Variants in RANBP2 observed in about 807,000 individuals in gnomAD.
RANBP2 encodes the protein E3 SUMO-protein ligase RanBP2.
A neutral mutation model predicts 303.6 loss-of-function variants in RANBP2; 57 were observed. That is an observed-to-expected ratio of 0.19 (90% CI 0.15 to 0.23). The LOEUF (loss-of-function observed/expected upper bound fraction) is 0.23. Ranked by LOEUF, RANBP2 falls within the 10% of genes least tolerant of loss-of-function variation. The probability of loss-of-function intolerance (pLI) is 1.00; values close to 1 mark genes in which losing one functional copy is unlikely to be tolerated. For synonymous variants in RANBP2, 1,167 were observed against 1,301.5 expected (o/e 0.90, Z 2.23); for missense variants, 3,138 against 3,780.8 (o/e 0.83, Z 4.46).
chr2:109,010,938 C>T, the RANBP2 span, among the ~76,000 whole-genome samples: 1 of 152,136 alleles, frequency 6.6e-6, no homozygotes, highest in African/African-American at 2.4e-5. Flanking sequence ...GCTGCAACCA[C>T]TCCTGGTTCC....
the RANBP2 span, among the ~76,000 whole-genome samples, chr2:109,641,338 G>A: frequency 5.3e-5 from 8 of 152,094 alleles, no homozygotes; most frequent in African/African-American, 1.9e-4. Flanking sequence ...ACTAAAAGAT[G>A]GAAACAACCC....
rs1675618853 is a variant in RANBP2, at chr2:108,748,976, G to C, written c.1120G>C (p.Glu374Gln). 1 of 1,611,774 alleles carries C rather than the reference G, an allele frequency of 6.2e-7. No homozygotes were observed. The highest frequency in any genetic ancestry group is 1.1e-5 in the South Asian group (1 of 90,992). ...GCAAGATTTTTTAAAAGAGATTGTT[G>C]AAACTTTTGCCAACAAAAGCGGGCA... ...GKQDFLKEIV[E>Q]TFANKSGQSA... Residue 374 changes from glutamate to glutamine, a missense_variant, in exon 9 of 29, where the codon GAA becomes CAA. Glu to Gln is a conservative substitution (Grantham distance 29). Around this residue, in one of 20 missense-constraint regions of RANBP2, gnomAD observed 95 missense variants for 86.4 expected, o/e 1.10. Coordinates refer to ENST00000283195, the MANE Select transcript of RANBP2 (RefSeq NM_006267.5).
the RANBP2 span, among the ~76,000 whole-genome samples, chr2:109,635,161 A>G: frequency 6.6e-6 from 1 of 150,722 alleles, no homozygotes; most frequent in Non-Finnish European, 1.5e-5. Flanking sequence ...GCCTCTTGGC[A>G]TGTATTATTT....
chr2:109,108,392 C>A, the RANBP2 span, among the ~76,000 whole-genome samples: 1 of 152,180 alleles, frequency 6.6e-6, no homozygotes, highest in Non-Finnish European at 1.5e-5. Flanking sequence ...TAGGTGAACA[C>A]ATAGTTCATC....
chr2:109,444,654 C>G, the RANBP2 span, among the ~76,000 whole-genome samples: 3,755 of 152,250 alleles, frequency 0.025, 78 homozygotes, highest in Non-Finnish European at 0.038. Flanking sequence ...CTCTGCAGGA[C>G]CAGAACTCCA....
chr2:109,613,318 G>A, the RANBP2 span: 65,113 of 441,164 alleles, frequency 0.15, 5,479 homozygotes, highest in African/African-American at 0.27. Context: ...TCCCAATGGA[G>A]GAAAACTTGG....
At chr2:108,745,578 T>A (rs2693117) in intron 7 of RANBP2, among the ~76,000 whole-genome samples, 1 of 145,414 alleles carries the variant, frequency 6.9e-6, no homozygotes, top group Non-Finnish European at 1.5e-5. Flanking sequence ...GTCTTCCCTT[T>A]GCCATTCTAT....
At chr2:109,694,925 T>C in the RANBP2 span, among the ~76,000 whole-genome samples, 40,371 of 151,628 alleles carry the variant, frequency 0.27, 6,605 homozygotes, top group Non-Finnish European at 0.36. Flanking sequence ...GACTCCCCAG[T>C]AGAAATATTA....
At chr2:109,326,089 C>T in the RANBP2 span, among the ~76,000 whole-genome samples, 43 of 152,216 alleles carry the variant, frequency 2.8e-4, no homozygotes, top group Admixed American at 1.3e-4. Flanking sequence ...ATTTTCTCCA[C>T]CATGGTAAAA....
the RANBP2 span, chr2:108,856,671 C>G: frequency 2.3e-6 from 2 of 857,408 alleles, no homozygotes; most frequent in African/African-American, 3.5e-5. Context: ...ACTGTGATCT[C>G]TTATTTAATT....
At chr2:109,023,406 G>A in the RANBP2 span, among the ~76,000 whole-genome samples, 1 of 152,178 alleles carries the variant, frequency 6.6e-6, no homozygotes, top group East Asian at 1.9e-4. Flanking sequence ...AAATTTGTAT[G>A]CACAAAATAA....
the RANBP2 span, among the ~76,000 whole-genome samples, chr2:109,032,317 C>T: frequency 6.6e-6 from 1 of 152,092 alleles, no homozygotes; most frequent in Non-Finnish European, 1.5e-5. Context: ...CCCACCCCCT[C>T]TTTGTTTTGC....
chr2:108,907,013 G>T, the RANBP2 span, among the ~76,000 whole-genome samples: 2 of 152,218 alleles, frequency 1.3e-5, no homozygotes, highest in Non-Finnish European at 2.9e-5. Flanking sequence ...CTGCAGCCAG[G>T]GGCACAGGCT....
chr2:109,389,774 C>T, the RANBP2 span, among the ~76,000 whole-genome samples: 1 of 151,998 alleles, frequency 6.6e-6, no homozygotes, highest in South Asian at 2.1e-4. Context: ...ATGTATAATG[C>T]GAGTGATCAT....
the RANBP2 span, among the ~76,000 whole-genome samples, chr2:109,518,625 C>G: frequency 6.6e-6 from 1 of 152,214 alleles, no homozygotes; most frequent in Non-Finnish European, 1.5e-5. Context: ...TATGTGCATA[C>G]TGAATCAAAA....
the RANBP2 span, among the ~76,000 whole-genome samples, chr2:109,265,071 C>T: frequency 2.9e-3 from 445 of 152,300 alleles, no homozygotes; most frequent in Non-Finnish European, 3.2e-3. Flanking sequence ...CTGCTCCCTG[C>T]AGAGTGAGTG....
the RANBP2 span, among the ~76,000 whole-genome samples, chr2:109,684,402 G>T: frequency 6.6e-6 from 1 of 151,694 alleles, no homozygotes; most frequent in Admixed American, 6.6e-5. Flanking sequence ...CACCACGGCC[G>T]GCTAATTTTT....
chr2:108,905,920 G>A, the RANBP2 span, among the ~76,000 whole-genome samples: 6 of 146,026 alleles, frequency 4.1e-5, no homozygotes, highest in African/African-American at 1.7e-4. Context: ...CAGGGAGAGG[G>A]CAGCTAAGTC....
the RANBP2 span, among the ~76,000 whole-genome samples, chr2:108,908,231 C>T: frequency 1.3e-5 from 2 of 152,076 alleles, no homozygotes; most frequent in African/African-American, 2.4e-5. Context: ...TCCAAACAAA[C>T]AAGTCCGTGG....
Sources: gnomAD v4.1 joint callset for allele counts (sites outside exome capture counted in the v4.1 genomes callset) on GRCh38, gnomAD v4.1.1 for gene constraint, gnomAD v4.1.1 regional missense constraint, MANE v1.5 for transcripts, NCBI Gene and HGNC (gene_info 2026-07-23, HGNC 2026-07-21) for gene names.